The following KLHL14 variants were observed in gnomAD, a reference collection of about 807,000 sequenced individuals.
KLHL14 encodes kelch like family member 14.
In KLHL14, 22 loss-of-function variants were observed where a neutral mutation model predicts 64.3. The ratio of observed to expected loss-of-function variants is 0.34; its 90% CI spans 0.24 to 0.49. KLHL14 has a LOEUF of 0.49. Among genes scored for constraint, KLHL14 ranks in the 20% least tolerant of loss-of-function variants. The pLI is 0.99. For synonymous variants in KLHL14, 322 were observed against 333.4 expected (o/e 0.97, Z 0.37); for missense variants, 661 against 789.0 (o/e 0.84, Z 1.94).
At chr18:32,768,214 C>T (rs78231657) in intron 2 of KLHL14, among the ~76,000 whole-genome samples, 14 of 152,248 alleles carry the variant, frequency 9.2e-5, no homozygotes, top group African/African-American at 2.4e-4. Context: ...CAACACGATT[C>T]GTTAACTCAT....
chr18:32,768,709 T>G (rs1462908193), intron 2 of KLHL14, among the ~76,000 whole-genome samples: 1 of 152,128 alleles, frequency 6.6e-6, no homozygotes, highest in Non-Finnish European at 1.5e-5. Context: ...GATTGTCAAT[T>G]CCTACAGCCT....
chr18:32,762,241 T>C (rs1039404969), intron 2 of KLHL14, among the ~76,000 whole-genome samples: 2 of 152,120 alleles, frequency 1.3e-5, no homozygotes, highest in African/African-American at 4.8e-5. Context: ...GACTTTTTTT[T>C]TCTTTTTAAT....
Position 32,683,762 on chromosome 18 carries a change from G to GC in KLHL14, c.1239-3164dup, listed in dbSNP as rs1271419892. On this transcript the variant is annotated intron_variant, in intron 5 of 8. Transcript: ENST00000359358. This position sits in a 1 kb window ranked among gnomAD's most constrained non-coding sequence, Gnocchi z 4.2. ...TGCAGATCTTTACAAGTTCTTTCTG[G>GC]CCCTTGGAGTTGTCAGTTTATATCC... Among the ~76,000 whole-genome samples the GC allele has an allele frequency of 2.6e-5, 4 of 152,026 alleles. No homozygotes were observed. The highest frequency in any genetic ancestry group is 4.4e-5 in the Non-Finnish European group (3 of 67,992).
At chr18:32,734,802 A>G (rs1230885912) in intron 3 of KLHL14, among the ~76,000 whole-genome samples, 1 of 152,188 alleles carries the variant, frequency 6.6e-6, no homozygotes, top group Non-Finnish European at 1.5e-5. Flanking sequence ...ATCAGAGAGT[A>G]AGCAGTTTCC....
intron 2 of KLHL14, among the ~76,000 whole-genome samples, chr18:32,759,721 C>G (rs2050304070): frequency 6.6e-6 from 1 of 152,010 alleles, no homozygotes; most frequent in South Asian, 2.1e-4. Flanking sequence ...CTCTCTCTCT[C>G]TCTCGTCATT....
intron 2 of KLHL14, among the ~76,000 whole-genome samples, chr18:32,756,233 A>G (rs988265039): frequency 6.6e-6 from 1 of 152,236 alleles, no homozygotes; most frequent in Non-Finnish European, 1.5e-5. Flanking sequence ...AAGCACAGAG[A>G]AAAGGCCATG....
At chr18:32,681,108 T>C (rs2049836618) in intron 5 of KLHL14, among the ~76,000 whole-genome samples, 1 of 152,162 alleles carries the variant, frequency 6.6e-6, no homozygotes, top group Non-Finnish European at 1.5e-5. Flanking sequence ...CTACTGCAAA[T>C]AGAATAACTT....
chr18:32,758,787 C>A (rs1293152937), intron 2 of KLHL14, among the ~76,000 whole-genome samples: 1 of 152,120 alleles, frequency 6.6e-6, no homozygotes, highest in Non-Finnish European at 1.5e-5. Flanking sequence ...CCTGTGACAA[C>A]ATAGATGAAC....
intron 3 of KLHL14, among the ~76,000 whole-genome samples, chr18:32,708,136 T>C (rs1436717032): frequency 6.6e-6 from 1 of 152,194 alleles, no homozygotes; most frequent in Admixed American, 6.5e-5. Flanking sequence ...AAACTGATTA[T>C]GGATGGATGG....
At chr18:32,687,374 C>T (rs1428429851) in intron 4 of KLHL14, 141 bp from the exon 5 acceptor site, 6 of 645,092 alleles carry the variant, frequency 9.3e-6, no homozygotes, top group South Asian at 3.9e-5. Flanking sequence ...ACAGCACGGG[C>T]GATGAGTCAA....
intron 2 of KLHL14, among the ~76,000 whole-genome samples, chr18:32,751,119 T>C (rs1380639351): frequency 6.6e-6 from 1 of 152,128 alleles, no homozygotes; most frequent in Non-Finnish European, 1.5e-5. Flanking sequence ...CAGAGGTAGA[T>C]CCCTCTACTC....
chr18:32,771,800 CG>C (rs961482384), intron 1 of KLHL14, among the ~76,000 whole-genome samples: 5 of 14,016 alleles, frequency 3.6e-4, no homozygotes, highest in African/African-American at 5.5e-4. Context: ...GTCGAACGAG[CG>C]GGGGGGCGGG....
chr18:32,722,726 G>C (rs532814775), intron 3 of KLHL14, among the ~76,000 whole-genome samples: 14 of 152,268 alleles, frequency 9.2e-5, no homozygotes, highest in Middle Eastern at 3.4e-3. Flanking sequence ...ACTTTTGGAG[G>C]CTGAGGCAAG....
At chr18:32,710,876 G>A (rs572725324) in intron 3 of KLHL14, among the ~76,000 whole-genome samples, 1 of 152,218 alleles carries the variant, frequency 6.6e-6, no homozygotes, top group Non-Finnish European at 1.5e-5. Flanking sequence ...GTGCCTAACA[G>A]TTGGCTGGCG....
chr18:32,745,558 C>T (rs568783832), intron 2 of KLHL14: 33 of 152,146 alleles, frequency 2.2e-4, no homozygotes, highest in African/African-American at 6.0e-4. Flanking sequence ...TTTCTGAATC[C>T]GAATAAAGAA....
chr18:32,724,213 C>G (rs1205375203), intron 3 of KLHL14, among the ~76,000 whole-genome samples: 1 of 152,050 alleles, frequency 6.6e-6, no homozygotes, highest in African/African-American at 2.4e-5. Context: ...GTCACTTAAC[C>G]GTTCTGATCT....
intron 3 of KLHL14, among the ~76,000 whole-genome samples, chr18:32,739,013 G>T (rs1277354421): frequency 6.6e-6 from 1 of 152,132 alleles, no homozygotes; most frequent in Non-Finnish European, 1.5e-5. Flanking sequence ...GAGCATGTCT[G>T]TGAGGCACAC....
chr18:32,718,949 T>A (rs1687398649), intron 3 of KLHL14, among the ~76,000 whole-genome samples: 1 of 152,176 alleles, frequency 6.6e-6, no homozygotes, highest in Non-Finnish European at 1.5e-5. Flanking sequence ...AACATGAACT[T>A]TCTTTCTTTT....
At chr18:32,693,413 C>CAGAGAGAGAGAGAGAGAGAG (rs56135629) in intron 4 of KLHL14, among the ~76,000 whole-genome samples, 41 of 97,032 alleles carry the variant, frequency 4.2e-4, no homozygotes, top group African/African-American at 1.9e-3. Context: ...CACACACACA[C>CAGAGAGAGAGAGAGAGAGAG]AGAGAGAGAG....
Sources: allele counts gnomAD v4.1 joint callset (sites outside exome capture counted in the v4.1 genomes callset), GRCh38; gene constraint gnomAD v4.1.1; non-coding constraint Gnocchi (gnomAD v3.1); transcripts MANE v1.5; gene names NCBI Gene and HGNC (gene_info 2026-07-23, HGNC 2026-07-21).